The following FAM222B variants were observed in gnomAD, a reference collection of about 807,000 sequenced individuals.
The protein encoded by FAM222B is protein FAM222B.
In FAM222B, 12 loss-of-function variants were observed where a neutral mutation model predicts 38.0. The observed-to-expected ratio is 0.32, with a 90% confidence interval of 0.20 to 0.51. The LOEUF (loss-of-function observed/expected upper bound fraction) is 0.51. Among genes scored for constraint, FAM222B ranks in the 20% least tolerant of loss-of-function variants. The pLI is 0.97. For synonymous variants in FAM222B, 329 were observed against 317.2 expected, an observed-to-expected ratio of 1.04 and a Z score of -0.40; for missense variants, 716 against 754.2, an observed-to-expected ratio of 0.95 and a Z score of 0.59.
intron 1 of FAM222B, among the ~76,000 whole-genome samples, chr17:28,821,559 T>C (rs1196740150): frequency 1.3e-5 from 2 of 152,226 alleles, no homozygotes; most frequent in Non-Finnish European, 2.9e-5. Context: ...GCTTTTCTTA[T>C]AGACCAAGGG....
Position 28,756,542 on chromosome 17 carries a change from A to C in FAM222B, c.*1728T>G, listed in dbSNP as rs964453651. ...TTTAAATCTGACTCAGAAAAGCAGG[A>C]ACTGGAAGAGGGCCCTGGGTGAGAT... is the stretch of plus-strand genomic sequence containing the variant. On this transcript the variant is annotated 3_prime_UTR_variant, in exon 3 of 3. Coordinates refer to ENST00000581407, the MANE Select transcript of FAM222B (RefSeq NM_001077498.3). 1 of 152,592 alleles carries C rather than the reference A, an allele frequency of 6.6e-6. No homozygotes were observed. The highest frequency in any genetic ancestry group is 1.5e-5 in the Non-Finnish European group (1 of 68,140). The allele number at this position is 152,592 out of a possible 1,614,324, so 9.5% of individuals were successfully genotyped here. A position where few individuals can be genotyped will look rare whatever the true frequency, so the allele number is the denominator to read the frequency against.
intron 1 of FAM222B, among the ~76,000 whole-genome samples, chr17:28,837,403 C>CTG (rs1365386754): frequency 2.0e-5 from 3 of 150,082 alleles, no homozygotes; most frequent in Non-Finnish European, 3.0e-5. Context: ...GCACTCCAGC[C>CTG]TGGGCGACCG....
rs1274688348 is a variant in FAM222B, at chr17:28,772,458, C to T, written c.-40-5751G>A. Among the ~76,000 whole-genome samples, 7 of 151,490 alleles carry T rather than the reference C, an allele frequency of 4.6e-5. No individual in the cohort carries two copies. In the East Asian group the frequency reaches 1.4e-3, roughly 29 times the overall value. On this transcript the variant is annotated intron_variant, in intron 1 of 2. Transcript: ENST00000581407. ...AACAGAGAGAGGCCGGTCGCGGTGG[C>T]TCATGCCTGTAATCCCAGCACTTTG...
At chr17:28,840,224 G>C (rs559072043) in intron 1 of FAM222B, among the ~76,000 whole-genome samples, 1 of 151,894 alleles carries the variant, frequency 6.6e-6, no homozygotes, top group African/African-American at 2.4e-5. Flanking sequence ...AAAACTAGCC[G>C]GGCATGGTGG....
At position 28,758,473 on chromosome 17, in the gene FAM222B, G is replaced by T. The variant is rs201079160; in HGVS notation, c.1486C>A (p.Arg496=). 8.7e-6 allele frequency: 14 copies of T among 1,613,422 alleles called. No homozygotes were observed. Among genetic ancestry groups the T allele is most frequent in the East Asian group, 2.2e-5 (1 of 44,878 alleles). The part of the protein sequence containing the change: ...DCAAAPGAHY[R]AGTGGGPVAS... ...ACTGGACCGCCCCCGGTCCCTGCTC[G>T]GTAGTGGGCCCCGGGAGCTGCCGCA... is the stretch of plus-strand genomic sequence containing the variant. Residue 496 remains arginine, a synonymous_variant, in exon 3 of 3, where the codon CGA becomes AGA. Transcript: ENST00000581407.
At chr17:28,813,964 C>T (rs1299972119) in intron 1 of FAM222B, among the ~76,000 whole-genome samples, 2 of 151,844 alleles carry the variant, frequency 1.3e-5, no homozygotes, top group Non-Finnish European at 2.9e-5. Flanking sequence ...AATCCCAGCA[C>T]TTTGGGAGGC....
At chr17:28,825,701 T>C (rs1258674720) in intron 1 of FAM222B, among the ~76,000 whole-genome samples, 1 of 152,230 alleles carries the variant, frequency 6.6e-6, no homozygotes, top group African/African-American at 2.4e-5. Flanking sequence ...ATTCTCCCAA[T>C]ATAAAGTAGC....
At chr17:28,776,579 C>T (rs981618089) in intron 1 of FAM222B, among the ~76,000 whole-genome samples, 17 of 150,020 alleles carry the variant, frequency 1.1e-4, no homozygotes, top group African/African-American at 3.7e-4. Flanking sequence ...GCTTCAGCCT[C>T]GTGTGTAGCT....
At chr17:28,821,788 C>T (rs1374352607) in intron 1 of FAM222B, among the ~76,000 whole-genome samples, 3 of 151,918 alleles carry the variant, frequency 2.0e-5, no homozygotes, top group South Asian at 2.1e-4. Context: ...ATGGTGAAAC[C>T]CCATCTCTAC....
chr17:28,795,079 T>G (rs1405517399), intron 1 of FAM222B, among the ~76,000 whole-genome samples: 7 of 147,818 alleles, frequency 4.7e-5, no homozygotes, highest in Non-Finnish European at 1.0e-4. Context: ...GGCAATAGAG[T>G]GAGACCCTGT....
chr17:28,807,696 T>C (rs913257120), intron 1 of FAM222B, among the ~76,000 whole-genome samples: 20 of 152,198 alleles, frequency 1.3e-4, no homozygotes, highest in Admixed American at 2.6e-4. Flanking sequence ...CAAACTCTTG[T>C]CTTAACCTTT....
rs2034752069 is a variant in FAM222B, at chr17:28,757,351, A to T, written c.*919T>A. ...ACTTACAGTGTAGAGCAATATTCTT[A>T]GCCAGTGTAGAGAGAACCAAATGCA... On this transcript the variant is annotated 3_prime_UTR_variant, in exon 3 of 3. Transcript: ENST00000581407. The T allele has an allele frequency of 6.6e-6, 1 of 152,214 alleles. No homozygotes were observed. Among genetic ancestry groups the T allele is most frequent in the Non-Finnish European group, 1.5e-5 (1 of 67,984 alleles). The allele number at this position is 152,214 out of a possible 1,614,324, so 9.4% of individuals were successfully genotyped here.
At chr17:28,775,476 A>C (rs900650823) in intron 1 of FAM222B, among the ~76,000 whole-genome samples, 6 of 146,596 alleles carry the variant, frequency 4.1e-5, no homozygotes, top group South Asian at 2.2e-4. Context: ...AAAAAAAAAA[A>C]CACAGACAAA....
intron 1 of FAM222B, among the ~76,000 whole-genome samples, chr17:28,826,653 C>A (rs1349365883): frequency 6.8e-6 from 1 of 146,650 alleles, no homozygotes; most frequent in African/African-American, 2.5e-5. Context: ...TGCACTCCAG[C>A]CTGGGCAACA....
At position 28,756,662 on chromosome 17, in the gene FAM222B, GA is replaced by G. The variant is rs2034710519; in HGVS notation, c.*1607del. The G allele has an allele frequency of 6.6e-6, 1 of 152,460 alleles. No homozygotes were observed. Among genetic ancestry groups the G allele is most frequent in the Admixed American group, 6.6e-5 (1 of 15,258 alleles). 9.4% of individuals were successfully genotyped at this position (152,460 alleles called of 1,614,324 possible). ...AGGTACCAGTGTTCACAGACGGCAG[GA>G]AAACAATTGGGAACAATAAATTAGG... On this transcript the variant is annotated 3_prime_UTR_variant, in exon 3 of 3. Transcript: ENST00000581407.
chr17:28,824,098 C>T (rs1464184227), intron 1 of FAM222B, among the ~76,000 whole-genome samples: 2 of 151,854 alleles, frequency 1.3e-5, no homozygotes, highest in Non-Finnish European at 2.9e-5. Context: ...AGGATGGTCT[C>T]GATCTCCTAA....
intron 1 of FAM222B, among the ~76,000 whole-genome samples, chr17:28,768,308 A>T (rs1281526858): frequency 6.6e-6 from 1 of 152,218 alleles, no homozygotes; most frequent in Non-Finnish European, 1.5e-5. Context: ...CTACCTTGTC[A>T]TGATGAGTAT....
At chr17:28,781,758 G>A (rs982302097) in intron 1 of FAM222B, among the ~76,000 whole-genome samples, 1 of 152,154 alleles carries the variant, frequency 6.6e-6, no homozygotes, top group Non-Finnish European at 1.5e-5. Context: ...AGGACATTAT[G>A]TTAAGTGAAA....
At chr17:28,776,725 T>G (rs552450396) in intron 1 of FAM222B, among the ~76,000 whole-genome samples, 1 of 152,042 alleles carries the variant, frequency 6.6e-6, no homozygotes, top group African/African-American at 2.4e-5. Flanking sequence ...CCCAAAGTGC[T>G]GAGATTACAG....
Sources: gnomAD v4.1 joint callset for allele counts (sites outside exome capture counted in the v4.1 genomes callset) on GRCh38, gnomAD v4.1.1 for gene constraint, MANE v1.5 for transcripts, NCBI Gene and HGNC (gene_info 2026-07-23, HGNC 2026-07-21) for gene names.